The following RAPGEF2 variants were observed in gnomAD, a reference collection of about 807,000 sequenced individuals.
The protein encoded by RAPGEF2 is PDZ domain containing guanine nucleotide exchange factor (GEF) 1.
A neutral mutation model predicts 186.7 loss-of-function variants in RAPGEF2; 54 were observed. That is an observed-to-expected ratio of 0.29 (90% CI 0.23 to 0.36). The LOEUF (loss-of-function observed/expected upper bound fraction) is 0.36. Among genes scored for constraint, RAPGEF2 ranks in the 10% least tolerant of loss-of-function variants. The probability of loss-of-function intolerance (pLI) is 1.00; values close to 1 mark genes in which losing one functional copy is unlikely to be tolerated. For synonymous variants in RAPGEF2, 712 were observed against 705.9 expected (o/e 1.01, Z -0.14); for missense variants, 1,532 against 2,045.0 (o/e 0.75, Z 4.84).
chr4:159,135,399 G>GT (rs1353032389), intron 1 of RAPGEF2, among the ~76,000 whole-genome samples: 1 of 151,956 alleles, frequency 6.6e-6, no homozygotes, highest in Non-Finnish European at 1.5e-5. Flanking sequence ...ATAATACTAT[G>GT]TTTTGTGTAT....
chr4:159,237,154 G>A (rs1753364575), intron 4 of RAPGEF2, among the ~76,000 whole-genome samples: 1 of 151,998 alleles, frequency 6.6e-6, no homozygotes, highest in Non-Finnish European at 1.5e-5. Flanking sequence ...CTGAGTAGCT[G>A]GGACTACAGG....
intron 29 of RAPGEF2, among the ~76,000 whole-genome samples, chr4:159,356,543 T>G (rs1732037820): frequency 6.6e-6 from 1 of 152,198 alleles, no homozygotes; most frequent in Admixed American, 6.5e-5. Context: ...AATACAGTGT[T>G]TATATGACTT....
chr4:159,249,172 T>C (rs1754999589), intron 7 of RAPGEF2, among the ~76,000 whole-genome samples: 2 of 152,338 alleles, frequency 1.3e-5, no homozygotes, highest in South Asian at 4.1e-4. Flanking sequence ...ATTTAGCTTT[T>C]AATTGCAACA....
At chr4:159,211,515 C>G (rs989027302) in intron 4 of RAPGEF2, among the ~76,000 whole-genome samples, 1 of 152,120 alleles carries the variant, frequency 6.6e-6, no homozygotes, top group Non-Finnish European at 1.5e-5. Context: ...ATTGTAATGT[C>G]TTGTTGATAA....
At chr4:159,141,157 A>G (rs1445013786) in intron 1 of RAPGEF2, among the ~76,000 whole-genome samples, 5 of 152,190 alleles carry the variant, frequency 3.3e-5, no homozygotes, top group Admixed American at 1.3e-4. Context: ...CTAAAACAAC[A>G]TAAGAGAAAG....
chr4:159,299,615 T>C (rs1425195761), intron 7 of RAPGEF2, among the ~76,000 whole-genome samples: 2 of 152,168 alleles, frequency 1.3e-5, no homozygotes, highest in East Asian at 3.9e-4. Context: ...CAATTTTAGG[T>C]ATTTTACCAA....
intron 8 of RAPGEF2, among the ~76,000 whole-genome samples, chr4:159,310,475 T>C (rs1454536755): frequency 6.6e-6 from 1 of 152,164 alleles, no homozygotes; most frequent in Non-Finnish European, 1.5e-5. Context: ...AGTAGAGCTT[T>C]ATGGCATAAA....
chr4:159,337,746 C>G (rs113056206), intron 17 of RAPGEF2, among the ~76,000 whole-genome samples: 5,353 of 151,134 alleles, frequency 0.035, 232 homozygotes, highest in African/African-American at 0.1. Flanking sequence ...AAAAATTAGC[C>G]GGGCATGGTG....
intron 1 of RAPGEF2, among the ~76,000 whole-genome samples, chr4:159,183,387 C>T (rs12330985): frequency 0.45 from 68,354 of 151,948 alleles, 16,198 homozygotes; most frequent in African/African-American, 0.6. Context: ...AATGTTGGAC[C>T]CCTACTTCAC....
intron 7 of RAPGEF2, among the ~76,000 whole-genome samples, chr4:159,272,381 G>T (rs986599867): frequency 6.6e-6 from 1 of 152,132 alleles, no homozygotes; most frequent in Non-Finnish European, 1.5e-5. Context: ...GGACAAGCTG[G>T]CTTGATTATA....
At position 159,353,974 on chromosome 4, in the gene RAPGEF2, A is replaced by G. The variant is rs369957987; in HGVS notation, c.4579A>G (p.Thr1527Ala). Residue 1527 changes from threonine to alanine, a missense_variant, in exon 28 of 30, where the codon ACG becomes GCG. By Grantham distance (58) the Thr-to-Ala change is moderately conservative. Coordinates refer to ENST00000691494, the MANE Select transcript of RAPGEF2 (RefSeq NM_001394067.2). The surrounding 1 kb of genome is among the most constrained non-coding windows in gnomAD (Gnocchi z 4.3). ...AAGCAGTAGCCTAACGTCTGTGACT[A>G]CGGAAGAAACCAAGCCTGTCCCCAT... ...AESSSLTSVTTEETKPVPMPA... is the reference protein window; with the variant it reads ...AESSSLTSVTAEETKPVPMPA... 13 of 1,613,650 alleles carry G rather than the reference A, an allele frequency of 8.1e-6. No individual in the cohort carries two copies. Among genetic ancestry groups the G allele is most frequent in the Non-Finnish European group, 1.1e-5 (13 of 1,179,962 alleles).
chr4:159,219,005 G>A (rs1751253952), intron 4 of RAPGEF2, among the ~76,000 whole-genome samples: 1 of 152,144 alleles, frequency 6.6e-6, no homozygotes, highest in African/African-American at 2.4e-5. Flanking sequence ...ACCTAAAAAT[G>A]TTCAGTTTGA....
intron 1 of RAPGEF2, among the ~76,000 whole-genome samples, chr4:159,169,925 T>C (rs1390696443): frequency 6.6e-6 from 1 of 152,164 alleles, no homozygotes; most frequent in Non-Finnish European, 1.5e-5. Context: ...TCCTTGAATA[T>C]ATAGCCAGTA....
intron 1 of RAPGEF2, among the ~76,000 whole-genome samples, chr4:159,170,968 A>G (rs905700628): frequency 6.6e-6 from 1 of 152,060 alleles, no homozygotes; most frequent in Non-Finnish European, 1.5e-5. Context: ...TCTTTCCCCC[A>G]TTGTGTGCTC....
At chr4:159,124,388 A>C (rs1296337996) in intron 1 of RAPGEF2, among the ~76,000 whole-genome samples, 2 of 151,732 alleles carry the variant, frequency 1.3e-5, no homozygotes, top group African/African-American at 4.8e-5. Context: ...AAAATACAAA[A>C]ATTAGCTGAG....
At chr4:159,136,460 A>G (rs1294802894) in intron 1 of RAPGEF2, among the ~76,000 whole-genome samples, 1 of 152,182 alleles carries the variant, frequency 6.6e-6, no homozygotes, top group Non-Finnish European at 1.5e-5. Flanking sequence ...GCTTTAGAAC[A>G]AGGAGAGTTT....
intron 6 of RAPGEF2, among the ~76,000 whole-genome samples, chr4:159,242,692 A>G (rs1373417980): frequency 7.0e-6 from 1 of 142,838 alleles, no homozygotes; most frequent in Non-Finnish European, 1.5e-5. Flanking sequence ...AAAAACCATG[A>G]AAGGTTTTTT....
chr4:159,350,553 A>T (rs182558422), intron 26 of RAPGEF2, among the ~76,000 whole-genome samples: 1 of 152,194 alleles, frequency 6.6e-6, no homozygotes, highest in Admixed American at 6.5e-5. Flanking sequence ...AATTCAGATA[A>T]ATATACAAAG....
intron 7 of RAPGEF2, among the ~76,000 whole-genome samples, chr4:159,258,354 T>C (rs2110730720): frequency 6.6e-6 from 1 of 152,286 alleles, no homozygotes; most frequent in East Asian, 1.9e-4. Flanking sequence ...CTCAAGAAAA[T>C]ATTTTAGAAA....
Sources: gnomAD v4.1 joint callset for allele counts (sites outside exome capture counted in the v4.1 genomes callset) on GRCh38, gnomAD v4.1.1 for gene constraint, Gnocchi (gnomAD v3.1) non-coding constraint, MANE v1.5 for transcripts, NCBI Gene and HGNC (gene_info 2026-07-23, HGNC 2026-07-21) for gene names.